The following RIMS2 variants were observed in gnomAD, a reference collection of about 807,000 sequenced individuals.
The protein encoded by RIMS2 is regulating synaptic membrane exocytosis 2.
In RIMS2, 59 loss-of-function variants were observed where a neutral mutation model predicts 174.4. That is an observed-to-expected ratio of 0.34 (90% confidence interval 0.27 to 0.42). The LOEUF is 0.42. Among genes scored for constraint, RIMS2 ranks in the 10% least tolerant of loss-of-function variants. The pLI, the probability that RIMS2 is intolerant of heterozygous loss-of-function variation, is 1.00. For missense variants in RIMS2, 1,620 were observed against 1,666.3 expected (o/e 0.97, Z 0.48); for synonymous variants, 606 against 572.5 (o/e 1.06, Z -0.84).
intron 19 of RIMS2, among the ~76,000 whole-genome samples, chr8:104,018,067 C>A (rs9692610): frequency 1.3e-5 from 2 of 151,928 alleles, no homozygotes; most frequent in African/African-American, 4.8e-5. Flanking sequence ...AGTGAGACTC[C>A]GTTTCTAAAT....
At chr8:104,141,975 A>G (rs953910415) in intron 19 of RIMS2, among the ~76,000 whole-genome samples, 6 of 152,314 alleles carry the variant, frequency 3.9e-5, no homozygotes, top group African/African-American at 1.4e-4. Context: ...GTCTTTCACT[A>G]TGACAGTATG....
At chr8:103,704,449 C>T (rs117470499) in intron 2 of RIMS2, among the ~76,000 whole-genome samples, 493 of 151,988 alleles carry the variant, frequency 3.2e-3, no homozygotes, top group Non-Finnish European at 5.8e-3. Flanking sequence ...GTGTCTTTGC[C>T]TGTTTTCATT....
chr8:103,799,394 T>C (rs1175326441), intron 3 of RIMS2, among the ~76,000 whole-genome samples: 1 of 152,198 alleles, frequency 6.6e-6, no homozygotes, highest in Non-Finnish European at 1.5e-5. Context: ...CTAGGCTATG[T>C]CAAAACTCGT....
intron 2 of RIMS2, among the ~76,000 whole-genome samples, chr8:103,735,321 C>A (rs929496404): frequency 4.6e-5 from 7 of 152,094 alleles, no homozygotes; most frequent in African/African-American, 1.7e-4. Flanking sequence ...TTGTTACTTT[C>A]TATAGCCTAA....
rs535981361 is a variant in RIMS2 at position 104,038,625 on chromosome 8, C to A, written c.3334+24010C>A. 2.6e-5 allele frequency among the ~76,000 whole-genome samples: 4 copies of A among 152,006 alleles called. No homozygotes were observed. In the South Asian group the frequency reaches 8.3e-4, roughly 31 times the overall value. On this transcript the variant is annotated intron_variant, in intron 19 of 23. Transcript: ENST00000504942. ...TACTCTTAGCTTCTTCCAAGTTTCACTGAAGTCTGCTATTCATTATAATAC... is the reference window on the plus strand; with the variant it reads ...TACTCTTAGCTTCTTCCAAGTTTCAATGAAGTCTGCTATTCATTATAATAC...
intron 3 of RIMS2, among the ~76,000 whole-genome samples, chr8:103,827,160 A>G (rs1251451494): frequency 6.6e-6 from 1 of 152,126 alleles, no homozygotes; most frequent in South Asian, 2.1e-4. Context: ...AGTGTTTTAT[A>G]GTTTTTAGAG....
rs1251742205 is a variant in RIMS2 at position 103,697,254 on chromosome 8, C to G, written c.345C>G (p.Phe115Leu). The G allele has an allele frequency of 6.2e-7, 1 of 1,613,656 alleles. No homozygotes were observed. The highest frequency in any genetic ancestry group is 1.7e-5 in the Admixed American group (1 of 59,996). Reference sequence around the variant, plus strand: ...ACTGTTCATATTGCCAAACAAAGTTCTGTGCTCGTTGTGGAGGTCGAGTGT... The same window carrying G: ...ACTGTTCATATTGCCAAACAAAGTTGTGTGCTCGTTGTGGAGGTCGAGTGT... The change falls in exon 2 of 24, where the codon TTC (phenylalanine) becomes TTG (leucine). Residue 115 changes from phenylalanine (F) to leucine (L), a missense_variant. Phe to Leu is a conservative substitution (Grantham distance 22). Transcript: ENST00000504942.
chr8:103,906,800 G>A (rs1018960588), intron 4 of RIMS2, among the ~76,000 whole-genome samples: 2 of 151,982 alleles, frequency 1.3e-5, no homozygotes, highest in African/African-American at 4.8e-5. Context: ...CTTTGTTATG[G>A]GACAATACTG....
At chr8:103,595,219 A>G (rs1000333865) in intron 1 of RIMS2, among the ~76,000 whole-genome samples, 8 of 151,830 alleles carry the variant, frequency 5.3e-5, no homozygotes, top group Non-Finnish European at 1.0e-4. Context: ...TTGTCTTTTA[A>G]TATTAATATC....
chr8:103,791,576 A>G (rs2154443587), intron 3 of RIMS2, among the ~76,000 whole-genome samples: 1 of 152,282 alleles, frequency 6.6e-6, no homozygotes, highest in East Asian at 1.9e-4. Flanking sequence ...AACTATATTA[A>G]CCTTAAATAT....
intron 19 of RIMS2, among the ~76,000 whole-genome samples, chr8:104,205,618 G>A (rs1050128498): frequency 6.6e-6 from 1 of 151,976 alleles, no homozygotes; most frequent in Admixed American, 6.6e-5. Context: ...GTGTTTTTAG[G>A]TCTACCTATA....
intron 19 of RIMS2, among the ~76,000 whole-genome samples, chr8:104,238,633 A>G (rs1022676547): frequency 2.0e-5 from 3 of 152,154 alleles, no homozygotes; most frequent in African/African-American, 7.2e-5. Context: ...CTTAAAGACG[A>G]AAAAGTCTTC....
chr8:104,233,101 A>G (rs2099240040), intron 19 of RIMS2, among the ~76,000 whole-genome samples: 1 of 152,198 alleles, frequency 6.6e-6, no homozygotes, highest in Non-Finnish European at 1.5e-5. Flanking sequence ...AATCTATAGA[A>G]GAAATCTAAG....
chr8:103,687,325 T>C (rs1189089131), intron 1 of RIMS2, among the ~76,000 whole-genome samples: 1 of 152,088 alleles, frequency 6.6e-6, no homozygotes, highest in Non-Finnish European at 1.5e-5. Flanking sequence ...TTGTGTCTTG[T>C]TTTTTTCATC....
chr8:104,004,237 A>T (rs2095491524), intron 17 of RIMS2, among the ~76,000 whole-genome samples: 1 of 152,218 alleles, frequency 6.6e-6, no homozygotes. Context: ...AGTCATAAAA[A>T]GTAAGTGAAA....
chr8:104,095,964 A>G (rs77438179), intron 19 of RIMS2, among the ~76,000 whole-genome samples: 4,616 of 152,238 alleles, frequency 0.03, 204 homozygotes, highest in African/African-American at 0.1. Flanking sequence ...TCTGTATAAC[A>G]GGCATTAAAC....
chr8:104,051,665 C>T (rs937634227), intron 19 of RIMS2, among the ~76,000 whole-genome samples: 3 of 152,008 alleles, frequency 2.0e-5, no homozygotes, highest in African/African-American at 7.2e-5. Context: ...TGACTCTTTG[C>T]ATGTGTGTGT....
intron 19 of RIMS2, among the ~76,000 whole-genome samples, chr8:104,077,050 C>A (rs893562467): frequency 6.6e-6 from 1 of 151,954 alleles, no homozygotes; most frequent in African/African-American, 2.4e-5. Context: ...GAACTCCTGA[C>A]CTCAAGTGAT....
At chr8:103,594,277 G>C (rs2094396178) in intron 1 of RIMS2, among the ~76,000 whole-genome samples, 1 of 151,396 alleles carries the variant, frequency 6.6e-6, no homozygotes, top group Admixed American at 6.6e-5. Context: ...CTCTTTGTTG[G>C]TAATTTTGCT....
Sources: allele counts gnomAD v4.1 joint callset (sites outside exome capture counted in the v4.1 genomes callset), GRCh38; gene constraint gnomAD v4.1.1; transcripts MANE v1.5; gene names NCBI Gene and HGNC (gene_info 2026-07-23, HGNC 2026-07-21).